ARB2A: variants seen among roughly 807,000 people sequenced by gnomAD.
The protein encoded by ARB2A is cotranscriptional regulator ARB2A.
chr5:93,955,477 T>C, the ARB2A span, among the ~76,000 whole-genome samples: 13 of 152,208 alleles, frequency 8.5e-5, no homozygotes, highest in Admixed American at 7.9e-4. Context: ...TAAGTAATTA[T>C]GGAAATAGCA....
chr5:93,975,821 T>G, the ARB2A span, among the ~76,000 whole-genome samples: 168 of 152,206 alleles, frequency 1.1e-3, no homozygotes, highest in African/African-American at 3.9e-3. Context: ...AACAGATTGA[T>G]TCACAGCTGA....
chr5:93,992,984 A>C, the ARB2A span, among the ~76,000 whole-genome samples: 1 of 152,054 alleles, frequency 6.6e-6, no homozygotes, highest in Admixed American at 6.6e-5. Flanking sequence ...TCTATACAAG[A>C]AACAAAAACA....
the ARB2A span, among the ~76,000 whole-genome samples, chr5:93,829,612 C>T: frequency 6.6e-6 from 1 of 152,096 alleles, no homozygotes; most frequent in African/African-American, 2.4e-5. Flanking sequence ...AAATGAATAA[C>T]AAAACCACAA....
At chr5:93,643,978 A>C in the ARB2A span, among the ~76,000 whole-genome samples, 2 of 152,248 alleles carry the variant, frequency 1.3e-5, no homozygotes, top group Admixed American at 1.3e-4. Flanking sequence ...CTTTCAAAAC[A>C]GGTAGTATTA....
chr5:93,723,931 C>A, the ARB2A span, among the ~76,000 whole-genome samples: 1 of 151,962 alleles, frequency 6.6e-6, no homozygotes, highest in Non-Finnish European at 1.5e-5. Flanking sequence ...AAACAAGGCA[C>A]TAAATCAGAG....
the ARB2A span, among the ~76,000 whole-genome samples, chr5:93,652,777 C>A: frequency 6.6e-6 from 1 of 152,208 alleles, no homozygotes; most frequent in Non-Finnish European, 1.5e-5. Context: ...TGTGTACCAT[C>A]TCCCAAACAT....
At chr5:93,992,014 C>A in the ARB2A span, among the ~76,000 whole-genome samples, 2 of 151,728 alleles carry the variant, frequency 1.3e-5, no homozygotes, top group African/African-American at 4.8e-5. Flanking sequence ...TTAAAAGCTG[C>A]CAGAGAAAAA....
At chr5:93,921,084 T>C in the ARB2A span, among the ~76,000 whole-genome samples, 1 of 149,216 alleles carries the variant, frequency 6.7e-6, no homozygotes. Context: ...GCTTGATATA[T>C]ACCATACATT....
chr5:93,771,657 A>G, the ARB2A span, among the ~76,000 whole-genome samples: 2 of 152,264 alleles, frequency 1.3e-5, no homozygotes, highest in Admixed American at 6.5e-5. Flanking sequence ...ATATGAACAG[A>G]CACTTCTCAA....
At chr5:94,024,196 G>A in the ARB2A span, among the ~76,000 whole-genome samples, 1 of 152,152 alleles carries the variant, frequency 6.6e-6, no homozygotes, top group Admixed American at 6.5e-5. Context: ...GTTTTTAGAT[G>A]AGAGTCACAT....
the ARB2A span, among the ~76,000 whole-genome samples, chr5:93,877,673 T>A: frequency 6.6e-6 from 1 of 152,136 alleles, no homozygotes; most frequent in Admixed American, 6.6e-5. Context: ...AGACAGTACC[T>A]GGTAAATTCC....
chr5:94,105,769 A>G, the ARB2A span, among the ~76,000 whole-genome samples: 4 of 107,978 alleles, frequency 3.7e-5, no homozygotes, highest in Admixed American at 8.9e-5. Context: ...ATGGTACTGG[A>G]AAAAAAAAAA....
the ARB2A span, among the ~76,000 whole-genome samples, chr5:93,630,823 C>T: frequency 1.3e-5 from 2 of 152,078 alleles, no homozygotes; most frequent in Non-Finnish European, 2.9e-5. Context: ...CCTGTAGTCC[C>T]AACTACTTGG....
the ARB2A span, among the ~76,000 whole-genome samples, chr5:93,652,915 G>T: frequency 6.6e-6 from 1 of 152,094 alleles, no homozygotes; most frequent in Non-Finnish European, 1.5e-5. Flanking sequence ...AAAAAGGAGA[G>T]AACAAAAATG....
the ARB2A span, among the ~76,000 whole-genome samples, chr5:94,088,998 C>A: frequency 6.6e-6 from 1 of 152,036 alleles, no homozygotes; most frequent in Admixed American, 6.5e-5. Context: ...AAATGGACTT[C>A]AATTCCGAGA....
chr5:93,971,234 G>A, the ARB2A span, among the ~76,000 whole-genome samples: 13,501 of 151,980 alleles, frequency 0.089, 774 homozygotes, highest in Middle Eastern at 0.17. Context: ...TCCTGACCTC[G>A]TGATCCGCCC....
the ARB2A span, among the ~76,000 whole-genome samples, chr5:93,906,990 T>C: frequency 6.6e-6 from 1 of 151,540 alleles, no homozygotes. Flanking sequence ...AGGTGCTTAC[T>C]CTCTTGCTGT....
the ARB2A span, among the ~76,000 whole-genome samples, chr5:93,937,472 C>T: frequency 1.1e-3 from 169 of 151,596 alleles, no homozygotes; most frequent in African/African-American, 3.9e-3. Flanking sequence ...ATTAGCTGGG[C>T]GTGGTGGCAT....
chr5:93,684,054 G>C, the ARB2A span, among the ~76,000 whole-genome samples: 4 of 152,228 alleles, frequency 2.6e-5, no homozygotes, highest in Admixed American at 2.6e-4. Context: ...AGAGGCTCTG[G>C]AAGGTGTAAG....
Sources: allele counts gnomAD v4.1 joint callset (sites outside exome capture counted in the v4.1 genomes callset), GRCh38; gene constraint gnomAD v4.1.1; transcripts MANE v1.5; gene names NCBI Gene and HGNC (gene_info 2026-07-23, HGNC 2026-07-21).